Variants in DSG2 observed in about 807,000 individuals in gnomAD.
The protein encoded by DSG2 is desmoglein-2.
In DSG2, 45 loss-of-function variants were observed where a neutral mutation model predicts 75.6. That is an observed-to-expected ratio of 0.60 (90% CI 0.47 to 0.76). DSG2 has a LOEUF of 0.76. Among genes scored for constraint, DSG2 ranks in the 30% least tolerant of loss-of-function variants. DSG2 has a pLI of 0.00. For synonymous variants in DSG2, 429 were observed against 483.9 expected (o/e 0.89, Z 1.49); for missense variants, 1,267 against 1,357.4 (o/e 0.93, Z 1.05).
At chr18:31,518,672 G>A (rs2187047) in intron 2 of DSG2, among the ~76,000 whole-genome samples, 103,839 of 151,920 alleles carry the variant, frequency 0.68, 36,492 homozygotes, top group African/African-American at 0.86. Flanking sequence ...TACTTTGTGA[G>A]GTATAAATGA....
At chr18:31,531,429 T>G (rs1466459829) in intron 9 of DSG2, among the ~76,000 whole-genome samples, 177 bp downstream of exon 9, 2 of 152,230 alleles carry the variant, frequency 1.3e-5, no homozygotes, top group African/African-American at 2.4e-5. Context: ...AGGGGGAATT[T>G]TCACCAGAAT....
rs779837813 is a variant in DSG2 at position 31,546,098 on chromosome 18, G to A, written c.2712G>A (p.Gln904=). 1.2e-6 allele frequency: 2 copies of A among 1,614,164 alleles called. No homozygotes were observed. Among genetic ancestry groups the A allele is most frequent in the Non-Finnish European group, 8.5e-7 (1 of 1,180,020 alleles). Residue 904 remains glutamine, a synonymous_variant, in exon 15 of 15, where the codon CAG becomes CAA. Coordinates refer to ENST00000261590, the MANE Select transcript of DSG2 (RefSeq NM_001943.5). Reference sequence around the variant, plus strand: ...AAGCCAATGCAGAGAAAGTAACTCAGGAAATAGTCACTGAAAGATCTGTGT... The same window carrying A: ...AAGCCAATGCAGAGAAAGTAACTCAAGAAATAGTCACTGAAAGATCTGTGT... ...LQEANAEKVT[Q]EIVTERSVSS... is the part of the protein sequence containing the mutation.
At position 31,546,303 on chromosome 18, in the gene DSG2, A is replaced by G. The variant is rs2073309041; in HGVS notation, c.2917A>G (p.Thr973Ala). The change falls in exon 15 of 15, where the codon ACC (threonine) becomes GCC (alanine). Residue 973 changes from threonine (T) to alanine (A), a missense_variant. Thr to Ala is a moderately conservative substitution (Grantham distance 58). Transcript: ENST00000261590. ...VTERVYAPAS[T>A]LVDQPYANEG... is the part of the protein sequence containing the mutation. ...AGAGAGGGTGTATGCTCCAGCTTCT[A>G]CCTTGGTAGATCAGCCTTATGCTAA... 1 of 1,603,920 alleles carries G rather than the reference A, an allele frequency of 6.2e-7. No individual in the cohort carries two copies. The highest frequency in any genetic ancestry group is 8.5e-7 in the Non-Finnish European group (1 of 1,173,864).
At position 31,505,555 on chromosome 18, in the gene DSG2, A is replaced by G. The variant is rs147463476; in HGVS notation, c.45+7259A>G. Among the ~76,000 whole-genome samples, 631 of 152,214 alleles carry G rather than the reference A, an allele frequency of 4.1e-3. 2 individuals are homozygous for G. Among genetic ancestry groups the G allele is most frequent in the African/African-American group, 0.014 (597 of 41,530 alleles). On this transcript the variant is annotated intron_variant, in intron 1 of 14. Transcript: ENST00000261590. ...CGTATTCTTTAAAAATGTGAGTTAA[A>G]GTATCTTTCTGTGTTTAGAAAAGCT...
In DSG2 at chr18:31,522,145, A is replaced by G. The variant is rs1422826393; in HGVS notation, c.586A>G (p.Ile196Val). The G allele has an allele frequency of 1.9e-6, 3 of 1,613,786 alleles. No individual in the cohort carries two copies. The highest frequency in any genetic ancestry group is 2.5e-6 in the Non-Finnish European group (3 of 1,179,842). The change falls in exon 6 of 15, where the codon ATT (isoleucine) becomes GTT (valine). Residue 196 changes from isoleucine to valine, a missense_variant. Coordinates refer to ENST00000261590, the MANE Select transcript of DSG2 (RefSeq NM_001943.5). ...ADEPNTLNSK[I>V]SYRIVSLEPA... ...TGAGCCCAATACCCTGAATTCGAAAATTTCCTATAGAATCGTATCTCTGGA... is the reference window on the plus strand; with the variant it reads ...TGAGCCCAATACCCTGAATTCGAAAGTTTCCTATAGAATCGTATCTCTGGA...
intron 2 of DSG2, among the ~76,000 whole-genome samples, chr18:31,519,272 A>C (rs2144313126): frequency 6.6e-6 from 1 of 152,314 alleles, no homozygotes; most frequent in Non-Finnish European, 1.5e-5. Flanking sequence ...ACAAAATTCT[A>C]CTGTCTGGGC....
intron 1 of DSG2, among the ~76,000 whole-genome samples, chr18:31,502,377 CAT>C (rs1189816044): frequency 2.0e-5 from 3 of 152,090 alleles, no homozygotes; most frequent in African/African-American, 4.8e-5. Context: ...ATATTTATGA[CAT>C]AGAAAAATTT....
chr18:31,545,029 G>A (rs1025373000), intron 14 of DSG2, among the ~76,000 whole-genome samples: 1 of 152,080 alleles, frequency 6.6e-6, no homozygotes, highest in African/African-American at 2.4e-5. Context: ...AGCTTAACAG[G>A]GATGTGGGTG....
chr18:31,512,752 C>A (rs1321521457), intron 1 of DSG2, among the ~76,000 whole-genome samples: 1 of 152,180 alleles, frequency 6.6e-6, no homozygotes, highest in Non-Finnish European at 1.5e-5. Flanking sequence ...CAGATGCAGC[C>A]CCTTCTGAGA....
intron 1 of DSG2, among the ~76,000 whole-genome samples, chr18:31,512,502 G>A (rs1215725676): frequency 2.6e-5 from 4 of 152,232 alleles, no homozygotes; most frequent in Non-Finnish European, 5.9e-5. Context: ...TTTATGGCCT[G>A]TTCTCCATAC....
intron 6 of DSG2, 93 bp from the exon 7 acceptor site, chr18:31,524,355 T>C (rs896073433): frequency 1.3e-6 from 2 of 1,499,164 alleles, no homozygotes; most frequent in Non-Finnish European, 1.9e-6. Flanking sequence ...AAATAAAATA[T>C]ACTGTGGTAC....
chr18:31,541,076 C>T (rs1304190666), intron 12 of DSG2, 117 bp from the exon 13 acceptor site: 1 of 1,313,544 alleles, frequency 7.6e-7, no homozygotes, highest in African/African-American at 1.5e-5. Context: ...AAAAATAGAG[C>T]TGTAAATAAG....
chr18:31,542,888 G>A (rs760183208), intron 14 of DSG2, 36 bp downstream of exon 14: 3 of 1,030,150 alleles, frequency 2.9e-6, no homozygotes, highest in Non-Finnish European at 2.7e-6. Flanking sequence ...GGTGGGGGGT[G>A]GGGGGAACAT....
chr18:31,535,986 AT>A (rs903028378), intron 10 of DSG2, among the ~76,000 whole-genome samples: 3 of 152,190 alleles, frequency 2.0e-5, no homozygotes, highest in Non-Finnish European at 4.4e-5. Context: ...GTAAGATGAA[AT>A]AAGCACCTAA....
rs781396686 is a variant in DSG2, at chr18:31,536,444, T to C, written c.1651+15T>C. 41 of 1,603,572 alleles carry C rather than the reference T, an allele frequency of 2.6e-5. No homozygotes were observed. The highest frequency in any genetic ancestry group is 3.3e-4 in the Middle Eastern group (2 of 6,074). ...ACGCCAAGAAAGTAAGCAAAATCAC[T>C]GGACTACATAGAAATCTAAATATTA... On this transcript the variant is annotated intron_variant, in intron 11 of 14. Coordinates refer to ENST00000261590, the MANE Select transcript of DSG2 (RefSeq NM_001943.5).
Position 31,515,175 on chromosome 18 carries a change from C to CG in DSG2, c.46-3063dup, listed in dbSNP as rs527967185. 2.1e-3 allele frequency among the ~76,000 whole-genome samples: 321 copies of CG among 152,168 alleles called. 1 individual carries two copies. Among genetic ancestry groups the CG allele is most frequent in the African/African-American group, 7.2e-3 (301 of 41,538 alleles). Reference sequence around the variant, plus strand: ...TAGAGTGCAGTGGCGCGATCTCGGCCGACTGCAAACTCTGCCTCCCGGGTT... The same window carrying CG: ...TAGAGTGCAGTGGCGCGATCTCGGCCGGACTGCAAACTCTGCCTCCCGGGTT... On this transcript the variant is annotated intron_variant, in intron 1 of 14. Coordinates refer to ENST00000261590, the MANE Select transcript of DSG2 (RefSeq NM_001943.5).
chr18:31,525,531 A>C (rs1043811373), intron 8 of DSG2, among the ~76,000 whole-genome samples: 15 of 151,406 alleles, frequency 9.9e-5, no homozygotes, highest in South Asian at 8.4e-4. Flanking sequence ...AAAAAAAAAA[A>C]CCCCGAAACA....
chr18:31,518,789 C>A (rs1163361279), intron 2 of DSG2, among the ~76,000 whole-genome samples: 1 of 151,716 alleles, frequency 6.6e-6, no homozygotes, highest in Non-Finnish European at 1.5e-5. Context: ...ATACCTATTA[C>A]ATAGAGCAAC....
intron 1 of DSG2, among the ~76,000 whole-genome samples, chr18:31,508,524 G>A (rs2073050750): frequency 6.6e-6 from 1 of 152,002 alleles, no homozygotes; most frequent in Non-Finnish European, 1.5e-5. Flanking sequence ...CTCCCTAGTA[G>A]CTGGGATTAC....
Sources: gnomAD v4.1 joint callset for allele counts (sites outside exome capture counted in the v4.1 genomes callset) on GRCh38, gnomAD v4.1.1 for gene constraint, MANE v1.5 for transcripts, NCBI Gene and HGNC (gene_info 2026-07-23, HGNC 2026-07-21) for gene names.